CARD14: variants seen among roughly 807,000 people sequenced by gnomAD.
CARD14 encodes caspase recruitment domain family member 14.
Under a neutral mutation model 111.5 loss-of-function variants are expected in CARD14, and 107 were observed. The observed-to-expected ratio is 0.96, with a 90% CI of 0.82 to 1.13. The LOEUF is 1.13. Ranked by LOEUF, CARD14 falls within the 50% of genes most tolerant of loss-of-function variation. The pLI, the probability that CARD14 is intolerant of heterozygous loss-of-function variation, is 0.00. For synonymous variants in CARD14, 617 were observed against 579.6 expected, an observed-to-expected ratio of 1.06 and a Z score of -0.93; for missense variants, 1,322 against 1,362.3, an observed-to-expected ratio of 0.97 and a Z score of 0.47.
chr17:80,208,380 C>G lies in CARD14; in HGVS notation c.*35C>G, dbSNP rs752057354. On this transcript the variant is annotated 3_prime_UTR_variant, in exon 24 of 24. Transcript: ENST00000648509. ...CCCCTTCCCGGGACTGTGGGGGCTT[C>G]TGTGTGCCTGTTAATGCAGTCCTGT... is the stretch of plus-strand genomic sequence containing the variant. The G allele has an allele frequency of 3.2e-5, 48 of 1,517,998 alleles. No individual in the cohort carries two copies. Among genetic ancestry groups the G allele is most frequent in the Middle Eastern group, 1.7e-4 (1 of 5,804 alleles). 94.0% of individuals were successfully genotyped at this position (1,517,998 alleles called of 1,614,324 possible).
At chr17:80,179,998 T>A (rs1219398924) in intron 4 of CARD14, among the ~76,000 whole-genome samples, 1 of 152,172 alleles carries the variant, frequency 6.6e-6, no homozygotes, top group Non-Finnish European at 1.5e-5. Flanking sequence ...TGGATATTTG[T>A]TATTTGCAGG....
At chr17:80,206,020 G>A (rs182902621) in intron 22 of CARD14, 3 of 182,538 alleles carry the variant, frequency 1.6e-5, no homozygotes, top group South Asian at 1.4e-4. Flanking sequence ...ACGGGAAGCC[G>A]AGTCTGGCAT....
chr17:80,191,493 C>T (rs777801345), intron 11 of CARD14, 21 bp downstream of exon 11: 30 of 1,602,292 alleles, frequency 1.9e-5, no homozygotes, highest in East Asian at 1.1e-4. Flanking sequence ...CCGGCTGACC[C>T]GAGCTGGAGG....
At chr17:80,206,733 C>T (rs2041337600) in intron 22 of CARD14, 1 of 251,654 alleles carries the variant, frequency 4.0e-6, no homozygotes, top group Non-Finnish European at 7.6e-6. Flanking sequence ...CGCCACTGCA[C>T]TCCAGCCTGG....
chr17:80,172,679 C>G (rs1052642257), intron 1 of CARD14, among the ~76,000 whole-genome samples: 1 of 152,026 alleles, frequency 6.6e-6, no homozygotes, highest in African/African-American at 2.4e-5. Context: ...AAGGTGGCAC[C>G]GTTGATCATT....
chr17:80,192,771 T>A, intron 12 of CARD14, 152 bp downstream of exon 12: 1 of 561,064 alleles, frequency 1.8e-6, no homozygotes, highest in Non-Finnish European at 3.1e-6. Context: ...TTTTATTTTT[T>A]GAGACAGAGT....
At position 80,198,853 on chromosome 17, in the gene CARD14, G is replaced by C. The variant is rs1168400895; in HGVS notation, c.1851+262G>C. ...GGTCTTTGCATGAGGCCCCTTGACA[G>C]GGCTGCTCTGGGTGGTCACTTTGGG... On this transcript the variant is annotated intron_variant, in intron 16 of 23. Coordinates refer to ENST00000648509, the MANE Select transcript of CARD14 (RefSeq NM_001366385.1). This position sits in a 1 kb window ranked among gnomAD's most constrained non-coding sequence, Gnocchi z 7.5. 1 of 1,456,422 alleles carries C rather than the reference G, an allele frequency of 6.9e-7. No individual in the cohort carries two copies. Among genetic ancestry groups the C allele is most frequent in the Non-Finnish European group, 9.0e-7 (1 of 1,109,066 alleles). 90.2% of individuals were successfully genotyped at this position (1,456,422 alleles called of 1,614,324 possible).
At chr17:80,179,764 C>G (rs913902057) in intron 4 of CARD14, among the ~76,000 whole-genome samples, 1 of 152,114 alleles carries the variant, frequency 6.6e-6, no homozygotes, top group South Asian at 2.1e-4. Context: ...TCTGGGAGCT[C>G]AAGGCTGCAG....
rs2040466580 is a variant in CARD14, at chr17:80,189,920, CAG to C, written c.963+49_963+50del. On this transcript the variant is annotated intron_variant, in intron 9 of 23. Transcript: ENST00000648509. This position sits in a 1 kb window ranked among gnomAD's most constrained non-coding sequence, Gnocchi z 4.7. ...CTTGTGACTCTCCTGGGGCTTGTCT[CAG>C]GGGTGCGGACAGGTCTGTGGGGAAG... is the stretch of plus-strand genomic sequence containing the variant. The C allele has an allele frequency of 6.4e-7, 1 of 1,567,246 alleles. No individual in the cohort carries two copies. The highest frequency in any genetic ancestry group is 8.6e-7 in the Non-Finnish European group (1 of 1,164,858).
At chr17:80,186,582 C>T (rs1043319688) in intron 7 of CARD14, among the ~76,000 whole-genome samples, 6 of 152,132 alleles carry the variant, frequency 3.9e-5, no homozygotes, top group Admixed American at 6.5e-5. Context: ...CAGAGTCTCA[C>T]TCGCTTCCCA....
At position 80,188,542 on chromosome 17, in the gene CARD14, C is replaced by G; in HGVS notation, c.841C>G (p.Leu281Val). The G allele has an allele frequency of 6.7e-7, 1 of 1,502,104 alleles. No homozygotes were observed. Among genetic ancestry groups the G allele is most frequent in the Non-Finnish European group, 8.9e-7 (1 of 1,124,010 alleles). The allele number at this position is 1,502,104 out of a possible 1,614,324, so 93.0% of individuals were successfully genotyped here. A position where few individuals can be genotyped will look rare whatever the true frequency, so the allele number is the denominator to read the frequency against. Reference sequence around the variant, plus strand: ...GAAACTGCGCTCGCTGACTTTCAGCCTGGTAGGTTCCGGTCCCCGCAGCAG... The same window carrying G: ...GAAACTGCGCTCGCTGACTTTCAGCGTGGTAGGTTCCGGTCCCCGCAGCAG... The part of the protein sequence containing the change: ...NEKLRSLTFS[L>V]AEKDILEQSL... The change falls in exon 8 of 24, where the codon CTG becomes GTG. Residue 281 changes from leucine to valine, a missense_variant and splice_region_variant. Physicochemically the swap from Leu to Val is conservative, Grantham distance 32. Transcript: ENST00000648509. This position sits in a 1 kb window ranked among gnomAD's most constrained non-coding sequence, Gnocchi z 4.5.
intron 23 of CARD14, 66 bp downstream of exon 23, chr17:80,207,151 G>A (rs2041368462): frequency 1.7e-6 from 2 of 1,165,270 alleles, no homozygotes; most frequent in East Asian, 2.4e-5. Context: ...AAAGCCCACG[G>A]CAGGTGCCTC....
At chr17:80,207,348 C>T (rs980902328) in intron 23 of CARD14, among the ~76,000 whole-genome samples, 21 of 152,194 alleles carry the variant, frequency 1.4e-4, no homozygotes, top group African/African-American at 4.6e-4. Flanking sequence ...GTCAGCAGTT[C>T]GAGACCAGCC....
rs151207710 is a variant in CARD14, at chr17:80,205,593, G to C, written c.2632G>C (p.Glu878Gln). Residue 878 changes from glutamate (E) to glutamine (Q), a missense_variant, in exon 22 of 24, where the codon GAG (glutamate) becomes CAG (glutamine). Glu to Gln is a conservative substitution (Grantham distance 29, BLOSUM62 2). Transcript: ENST00000648509. ...GAGAGGGGACATCATCCAGGAGGGA[G>C]AGGTGTCCGGGGGCCGCTGCTGGGT... is the stretch of plus-strand genomic sequence containing the variant. ...SQRGDIIQEGEVSGGRCWVTR... is the reference protein window; with the variant it reads ...SQRGDIIQEGQVSGGRCWVTR... 5 of 1,572,662 alleles carry C rather than the reference G, an allele frequency of 3.2e-6. No individual in the cohort carries two copies. The African/African-American group carries it at 6.7e-5, about 21-fold the overall frequency.
In CARD14 at chr17:80,181,301, C is replaced by A. The variant is rs1297939428; in HGVS notation, c.-20-118C>A. On this transcript the variant is annotated intron_variant, in intron 4 of 23. Transcript: ENST00000648509. The stretch of plus-strand genomic sequence containing the variant: ...AACATCTCAAGACTGTGGGTTCTGA[C>A]TGGCAAAGAGTGCGCCTTGCTAATT... 8 of 735,468 alleles carry A rather than the reference C, an allele frequency of 1.1e-5. No individual in the cohort carries two copies. In the African/African-American group the frequency reaches 1.4e-4, roughly 13 times the overall value. 45.6% of individuals were successfully genotyped at this position (735,468 alleles called of 1,614,324 possible).
chr17:80,196,032 G>A (rs920148332), intron 14 of CARD14: 10 of 186,130 alleles, frequency 5.4e-5, no homozygotes, highest in African/African-American at 2.1e-4. Flanking sequence ...GAGGCACAGC[G>A]TGACATCTAC....
intron 16 of CARD14, among the ~76,000 whole-genome samples, chr17:80,200,229 A>ATTTTTT (rs373332962): frequency 3.5e-4 from 26 of 74,430 alleles, no homozygotes; most frequent in Non-Finnish European, 5.0e-4. Flanking sequence ...TTTACATGTC[A>ATTTTTT]TTTTTTTTTT....
intron 2 of CARD14, among the ~76,000 whole-genome samples, chr17:80,175,976 TTTTTTTTTTTTTTTTTAA>T (rs2040016494): frequency 1.2e-5 from 1 of 86,114 alleles, no homozygotes; most frequent in African/African-American, 4.7e-5. Context: ...TTTTTTTTTT[TTTTTTTTTTTTTTTTTAA>T]AAACGGGATC....
In CARD14 at chr17:80,198,700, C is replaced by A; in HGVS notation, c.1851+109C>A. Reference sequence around the variant, plus strand: ...CTCCCCCAGACGATGCAGATCCACTCTGGGCTGGGCCTCTGCTCTTTCCTG... The same window carrying A: ...CTCCCCCAGACGATGCAGATCCACTATGGGCTGGGCCTCTGCTCTTTCCTG... On this transcript the variant is annotated intron_variant, in intron 16 of 23. Transcript: ENST00000648509. This position sits in a 1 kb window ranked among gnomAD's most constrained non-coding sequence, Gnocchi z 7.5. 1 of 1,596,948 alleles carries A rather than the reference C, an allele frequency of 6.3e-7. No homozygotes were observed. The highest frequency in any genetic ancestry group is 8.5e-7 in the Non-Finnish European group (1 of 1,174,022).
Sources: gnomAD v4.1 joint callset for allele counts (sites outside exome capture counted in the v4.1 genomes callset) on GRCh38, gnomAD v4.1.1 for gene constraint, Gnocchi (gnomAD v3.1) non-coding constraint, MANE v1.5 for transcripts, NCBI Gene and HGNC (gene_info 2026-07-23, HGNC 2026-07-21) for gene names.